CLEC20A: variants seen among roughly 807,000 people sequenced by gnomAD.
CLEC20A encodes the protein C-type lectin domain containing 20A.
At chr1:178,489,905 A>G (rs1360402793) in intron 4 of CLEC20A, among the ~76,000 whole-genome samples, 167 bp downstream of exon 4, 1 of 152,258 alleles carries the variant, frequency 6.6e-6, no homozygotes, top group Non-Finnish European at 1.5e-5. Context: ...TCACAAGTTT[A>G]TAGTGCAAGG....
At chr1:178,489,937 A>C in intron 4 of CLEC20A, 135 bp downstream of exon 4, 1 of 397,450 alleles carries the variant, frequency 2.5e-6, no homozygotes, top group Non-Finnish European at 4.4e-6. Flanking sequence ...CTGCTCCAGA[A>C]CTCAGTTACC....
At chr1:178,482,897 C>T (rs530884629) in intron 6 of CLEC20A, 2 of 300,224 alleles carry the variant, frequency 6.7e-6, no homozygotes, top group Admixed American at 1.0e-4. Flanking sequence ...TTATAGTTAT[C>T]TCATTGGGTG....
chr1:178,496,515 G>A (rs929903777), intron 1 of CLEC20A: 7 of 199,304 alleles, frequency 3.5e-5, no homozygotes, highest in East Asian at 1.1e-4. Context: ...AACCCTTGCC[G>A]CCCCCTGGTC....
At chr1:178,498,748 G>T (rs563859864), upstream of CLEC20A, among the ~76,000 whole-genome samples, 99 of 152,304 alleles carry the variant, frequency 6.5e-4, no homozygotes, top group African/African-American at 2.3e-3. Flanking sequence ...GTTGGCCTAA[G>T]GGCGAAGACT....
At chr1:178,499,194 A>T (rs1032622949), upstream of CLEC20A, among the ~76,000 whole-genome samples, 3 of 152,218 alleles carry the variant, frequency 2.0e-5, no homozygotes, top group Non-Finnish European at 4.4e-5. Context: ...CCTGACTGTG[A>T]GCTCCTTGAG....
At chr1:178,494,429 G>A (rs938701952) in intron 2 of CLEC20A, 25 bp downstream of exon 2, 2 of 400,076 alleles carry the variant, frequency 5.0e-6, no homozygotes, top group African/African-American at 2.1e-5. Flanking sequence ...GAAAGACCAA[G>A]CCTGAAATAT....
At chr1:178,487,163 C>G (rs964175152) in intron 5 of CLEC20A, among the ~76,000 whole-genome samples, 2 of 152,202 alleles carry the variant, frequency 1.3e-5, no homozygotes, top group Non-Finnish European at 2.9e-5. Context: ...GCCTGTGCCT[C>G]TTCCACGCCT....
At chr1:178,479,722 T>C (rs181852151) in intron 7 of CLEC20A, 107 bp from the exon 8 acceptor site, 1 of 393,910 alleles carries the variant, frequency 2.5e-6, no homozygotes, top group East Asian at 3.6e-5. Flanking sequence ...CCATACCCTG[T>C]AATTGTTTTT....
At chr1:178,482,090 C>CAAAAAAAAA (rs771558758) in intron 7 of CLEC20A, 5 of 366,286 alleles carry the variant, frequency 1.4e-5, no homozygotes, top group African/African-American at 9.2e-5. Context: ...AACAAAAAAA[C>CAAAAAAAAA]AACAAAAAAA....
intron 2 of CLEC20A, 99 bp downstream of exon 2, chr1:178,494,355 G>A (rs1649337768): frequency 5.0e-6 from 2 of 397,920 alleles, no homozygotes; most frequent in Non-Finnish European, 8.8e-6. Context: ...GGAGTTGGAG[G>A]TTACAGTGAG....
chr1:178,498,467 G>A (rs1649452608), upstream of CLEC20A, among the ~76,000 whole-genome samples: 1 of 152,190 alleles, frequency 6.6e-6, no homozygotes. Context: ...GTGCATGTCT[G>A]TAGTCCCAGC....
intron 5 of CLEC20A, chr1:178,486,971 C>T (rs1417936124): frequency 3.8e-5 from 15 of 395,880 alleles, no homozygotes; most frequent in Non-Finnish European, 6.2e-5. Context: ...AGGTCGGGCT[C>T]GCGGGGCTCC....
chr1:178,487,091 C>T (rs1372796441), intron 5 of CLEC20A, among the ~76,000 whole-genome samples: 2 of 152,196 alleles, frequency 1.3e-5, no homozygotes, highest in Non-Finnish European at 2.9e-5. Context: ...GGGTCCGCTG[C>T]GCCCGGGACC....
At chr1:178,487,206 C>G (rs2101867476) in intron 5 of CLEC20A, among the ~76,000 whole-genome samples, 1 of 152,334 alleles carries the variant, frequency 6.6e-6, no homozygotes, top group Non-Finnish European at 1.5e-5. Flanking sequence ...CAGGGGCGAG[C>G]AGGGAGGGCC....
intron 5 of CLEC20A, among the ~76,000 whole-genome samples, chr1:178,487,617 C>G (rs1265814067): frequency 5.3e-5 from 8 of 152,246 alleles, no homozygotes; most frequent in African/African-American, 1.9e-4. Flanking sequence ...CCCCACCACG[C>G]CTGTGCCTAT....
At chr1:178,492,606 A>G in intron 2 of CLEC20A, 40 bp from the exon 3 acceptor site, 1 of 398,668 alleles carries the variant, frequency 2.5e-6, no homozygotes, top group Non-Finnish European at 4.4e-6. Context: ...GGGGAGGCCC[A>G]GGATCCTCTG....
chr1:178,497,755 C>T (rs930834667), upstream of CLEC20A, among the ~76,000 whole-genome samples: 46 of 152,298 alleles, frequency 3.0e-4, no homozygotes, highest in African/African-American at 9.9e-4. Context: ...TTTTTCAGAG[C>T]ATCTTCAGAG....
intron 7 of CLEC20A, chr1:178,481,238 A>T (rs987502513): frequency 2.6e-5 from 4 of 152,214 alleles, no homozygotes; most frequent in African/African-American, 9.7e-5. Context: ...TACATTCTTT[A>T]TATCAGTAAA....
At chr1:178,494,847 C>A (rs1010550876) in intron 1 of CLEC20A, 37 bp from the exon 2 acceptor site, 5 of 398,924 alleles carry the variant, frequency 1.3e-5, no homozygotes, top group African/African-American at 2.1e-5. Flanking sequence ...TGGCTGTCCC[C>A]ACCCCAGCCC....
Sources: gnomAD v4.1 joint callset for allele counts (sites outside exome capture counted in the v4.1 genomes callset) on GRCh38, gnomAD v4.1.1 for gene constraint, MANE v1.5 for transcripts, NCBI Gene and HGNC (gene_info 2026-07-23, HGNC 2026-07-21) for gene names.